The following DPP6 variants were observed in gnomAD, a reference collection of about 807,000 sequenced individuals.
DPP6 encodes A-type potassium channel modulatory protein DPP6.
In DPP6, 69 loss-of-function variants were observed where a neutral mutation model predicts 122.6. The observed-to-expected ratio is 0.56, with a 90% CI of 0.46 to 0.69. DPP6 has a LOEUF of 0.69. DPP6 is among the 30% of genes least tolerant of loss of function. The pLI, the probability that DPP6 is intolerant of heterozygous loss-of-function variation, is 0.00. For synonymous variants in DPP6, 418 were observed against 433.1 expected (o/e 0.97, Z 0.43); for missense variants, 928 against 1,116.9 (o/e 0.83, Z 2.41).
At chr7:154,390,230 G>A (rs1441492918) in intron 1 of DPP6, among the ~76,000 whole-genome samples, 1 of 152,188 alleles carries the variant, frequency 6.6e-6, no homozygotes, top group Non-Finnish European at 1.5e-5. Flanking sequence ...AAGGTAGGGT[G>A]GAGGGTTAAA....
intron 5 of DPP6, among the ~76,000 whole-genome samples, chr7:154,582,942 A>C (rs2130678023): frequency 6.6e-6 from 1 of 152,256 alleles, no homozygotes; most frequent in East Asian, 1.9e-4. Flanking sequence ...GTTATCCATT[A>C]GGAGACGGGC....
chr7:154,254,972 T>C (rs921846020), intron 1 of DPP6, among the ~76,000 whole-genome samples: 3 of 151,998 alleles, frequency 2.0e-5, no homozygotes, highest in Admixed American at 6.5e-5. Context: ...AAGGAAAATT[T>C]GCAAATTTTC....
chr7:154,217,142 T>A (rs1316377136), intron 1 of DPP6, among the ~76,000 whole-genome samples: 1 of 151,438 alleles, frequency 6.6e-6, no homozygotes, highest in Non-Finnish European at 1.5e-5. Context: ...AGCACTCAAA[T>A]TTTTTTTTGG....
At chr7:154,281,335 A>G (rs1804498630) in intron 1 of DPP6, among the ~76,000 whole-genome samples, 1 of 149,004 alleles carries the variant, frequency 6.7e-6, no homozygotes, top group East Asian at 2.0e-4. Flanking sequence ...TTTAAATGCC[A>G]GGATTCATAC....
intron 1 of DPP6, among the ~76,000 whole-genome samples, chr7:154,000,656 T>C (rs1490435821): frequency 6.6e-6 from 1 of 152,150 alleles, no homozygotes; most frequent in Admixed American, 6.5e-5. Flanking sequence ...CAAGTTTTCA[T>C]CTTTAATAAG....
intron 1 of DPP6, among the ~76,000 whole-genome samples, chr7:154,405,647 G>T (rs1355872324): frequency 6.6e-6 from 1 of 152,122 alleles, no homozygotes; most frequent in African/African-American, 2.4e-5. Flanking sequence ...GCCAGGCAGT[G>T]TGAGGGGACT....
At chr7:154,447,943 A>G (rs1002140032) in intron 2 of DPP6, among the ~76,000 whole-genome samples, 3 of 152,220 alleles carry the variant, frequency 2.0e-5, no homozygotes, top group African/African-American at 7.2e-5. Context: ...GTATCTGTGA[A>G]AAACCCAATA....
Position 154,347,638 on chromosome 7 carries a change from A to T in DPP6, c.244-98576A>T, listed in dbSNP as rs551221882. ...TCCTACATGAACATTTCTAGAAATA[A>T]ATTACCATTTTTATTTTGTCCCTTT... On this transcript the variant is annotated intron_variant, in intron 1 of 25. Coordinates refer to ENST00000377770, the MANE Select transcript of DPP6 (RefSeq NM_130797.4). Among the ~76,000 whole-genome samples, 36 of 152,362 alleles carry T rather than the reference A, an allele frequency of 2.4e-4. No homozygotes were observed. The South Asian group carries it at 6.4e-3, about 27-fold the overall frequency.
chr7:154,488,171 C>A (rs1034103677), intron 3 of DPP6, among the ~76,000 whole-genome samples: 1 of 152,086 alleles, frequency 6.6e-6, no homozygotes, highest in Non-Finnish European at 1.5e-5. Flanking sequence ...TGTAACTCTT[C>A]GTGTTTTAAG....
At chr7:154,684,501 T>G (rs1438496110) in intron 7 of DPP6, among the ~76,000 whole-genome samples, 1 of 152,246 alleles carries the variant, frequency 6.6e-6, no homozygotes, top group Non-Finnish European at 1.5e-5. Context: ...TTTTTTCAAT[T>G]TAAGCGTAAA....
intron 6 of DPP6, among the ~76,000 whole-genome samples, chr7:154,648,183 C>A (rs1836624001): frequency 6.6e-6 from 1 of 151,728 alleles, no homozygotes; most frequent in African/African-American, 2.4e-5. Context: ...TCGTTTGAAC[C>A]CTTGAACCTG....
chr7:154,751,818 G>A (rs903620807), intron 8 of DPP6, among the ~76,000 whole-genome samples: 2 of 152,060 alleles, frequency 1.3e-5, no homozygotes, highest in Non-Finnish European at 2.9e-5. Context: ...AAGAAGCAAC[G>A]TGGGAGGGCT....
At chr7:154,689,615 T>C (rs755824739) in intron 7 of DPP6, among the ~76,000 whole-genome samples, 5 of 152,216 alleles carry the variant, frequency 3.3e-5, no homozygotes, top group South Asian at 2.1e-4. Flanking sequence ...GAAATTCGTC[T>C]ACACTGTGGG....
intron 1 of DPP6, among the ~76,000 whole-genome samples, chr7:153,920,110 T>C (rs1231460363): frequency 6.6e-6 from 1 of 152,240 alleles, no homozygotes; most frequent in Non-Finnish European, 1.5e-5. Context: ...GAAATCCACA[T>C]ACTTGCTGCT....
intron 1 of DPP6, among the ~76,000 whole-genome samples, chr7:154,189,974 C>T (rs937897221): frequency 3.3e-5 from 5 of 152,156 alleles, no homozygotes; most frequent in South Asian, 2.1e-4. Flanking sequence ...TTTTAGAGAA[C>T]GTTCTTAGTT....
intron 1 of DPP6, among the ~76,000 whole-genome samples, chr7:153,920,561 C>CTTTTTTTTTTTTTTTTTTTTTTTTTTT (rs1489811189): frequency 3.2e-5 from 2 of 62,478 alleles, no homozygotes; most frequent in Non-Finnish European, 5.8e-5. Flanking sequence ...TTTTATCTCT[C>CTTTTTTTTTTTTTTTTTTTTTTTTTTT]TCTTTTTTTT....
At chr7:153,919,204 G>C (rs1800518362) in intron 1 of DPP6, among the ~76,000 whole-genome samples, 1 of 152,122 alleles carries the variant, frequency 6.6e-6, no homozygotes, top group African/African-American at 2.4e-5. Context: ...TGGAGAATTT[G>C]CTACCTGAGG....
At chr7:153,799,818 T>C in the DPP6 span, among the ~76,000 whole-genome samples, 1 of 152,214 alleles carries the variant, frequency 6.6e-6, no homozygotes, top group Non-Finnish European at 1.5e-5. Flanking sequence ...ATAAGAATTA[T>C]TAATACAATT....
At chr7:154,182,400 G>T (rs1798137050) in intron 1 of DPP6, among the ~76,000 whole-genome samples, 2 of 152,104 alleles carry the variant, frequency 1.3e-5, no homozygotes, top group South Asian at 2.1e-4. Context: ...TCCTCATGCT[G>T]GTTGCCATGC....
Sources: gnomAD v4.1 joint callset for allele counts (sites outside exome capture counted in the v4.1 genomes callset) on GRCh38, gnomAD v4.1.1 for gene constraint, MANE v1.5 for transcripts, NCBI Gene and HGNC (gene_info 2026-07-23, HGNC 2026-07-21) for gene names.